Variants in GHITM observed in about 807,000 individuals in gnomAD.
The protein encoded by GHITM is growth hormone inducible transmembrane protein, also known as growth hormone-inducible transmembrane protein.
A neutral mutation model predicts 38.7 loss-of-function variants in GHITM; 24 were observed. The observed-to-expected ratio is 0.62, with a 90% confidence interval of 0.45 to 0.87. The LOEUF (loss-of-function observed/expected upper bound fraction) is 0.87. GHITM is among the 40% of genes least tolerant of loss of function. The pLI is 0.00. For missense variants in GHITM, 420 were observed against 429.8 expected (o/e 0.98, Z 0.20); for synonymous variants, 154 against 147.8 (o/e 1.04, Z -0.30).
chr10:84,148,784 A>G lies in GHITM; in HGVS notation c.538A>G (p.Ile180Val), dbSNP rs762539426. ...TGGAGCTGGAATGCTGGTACGATCA[A>G]TACCATATGACCAGAGCCCAGGCCC... ...MVGAGMLVRS[I>V]PYDQSPGPKH... is the part of the protein sequence containing the mutation. Residue 180 changes from isoleucine to valine, a missense_variant, in exon 6 of 9, where the codon ATA (isoleucine) becomes GTA (valine). Physicochemically the swap from Ile to Val is conservative, Grantham distance 29 (BLOSUM62 3). Transcript: ENST00000372134. 6 of 1,613,544 alleles carry G rather than the reference A, an allele frequency of 3.7e-6. No homozygotes were observed. In the East Asian group the frequency reaches 1.1e-4, roughly 30 times the overall value.
At chr10:84,141,372 ACT>A in intron 1 of GHITM, 88 bp from the exon 2 acceptor site, 1 of 699,558 alleles carries the variant, frequency 1.4e-6, no homozygotes, top group East Asian at 2.6e-5. Flanking sequence ...TTGTTCCTTG[ACT>A]CTGACTCTCA....
chr10:84,141,461 G>A lies in GHITM; in HGVS notation c.-39-1G>A, dbSNP rs1292286333. ...TTGGTTTTGCCTTTTTTTTAAACTA[G>A]CATTTCAGATCTGCTCGGTAGACCT... On this transcript the variant is annotated splice_acceptor_variant, in intron 1 of 8. Transcript: ENST00000372134. LOFTEE classifies it low-confidence loss of function (5UTR_SPLICE). The A allele has an allele frequency of 3.1e-6, 5 of 1,589,868 alleles. No homozygotes were observed. Among genetic ancestry groups the A allele is most frequent in the Non-Finnish European group, 2.6e-6 (3 of 1,165,460 alleles).
intron 6 of GHITM, among the ~76,000 whole-genome samples, chr10:84,149,545 C>CTGTAATTCTTAT (rs71009897): frequency 6.6e-6 from 1 of 151,702 alleles, no homozygotes; most frequent in African/African-American, 2.4e-5. Context: ...AAATTTTTTA[C>CTGTAATTCTTAT]GAAATTGTTT....
rs1841581957 is a variant in GHITM at position 84,148,747 on chromosome 10, T to C, written c.501T>C (p.Phe167=). 4 of 1,611,410 alleles carry C rather than the reference T, an allele frequency of 2.5e-6. No homozygotes were observed. The highest frequency in any genetic ancestry group is 1.7e-6 in the Non-Finnish European group (2 of 1,177,478). ...RGSWVTIGVT[F]AAMVGAGMLV... is the part of the protein sequence containing the mutation. Reference sequence around the variant, plus strand: ...TCTTTCAGACAATTGGTGTGACCTTTGCAGCCATGGTTGGAGCTGGAATGC... The same window carrying C: ...TCTTTCAGACAATTGGTGTGACCTTCGCAGCCATGGTTGGAGCTGGAATGC... The change falls in exon 6 of 9, where the codon TTT becomes TTC. Residue 167 remains phenylalanine, a synonymous_variant. Coordinates refer to ENST00000372134, the MANE Select transcript of GHITM (RefSeq NM_014394.3).
At position 84,152,255 on chromosome 10, in the gene GHITM, C is replaced by T. The variant is rs866817163; in HGVS notation, c.954-9C>T. ...CATCATATATAATGGGCATAATTTT[C>T]TTTTCTAGGATGCTGAGTATCTACA... On this transcript the variant is annotated splice_polypyrimidine_tract_variant and intron_variant, in intron 8 of 8. Coordinates refer to ENST00000372134, the MANE Select transcript of GHITM (RefSeq NM_014394.3). The T allele has an allele frequency of 6.9e-7, 1 of 1,451,284 alleles. No homozygotes were observed. Among genetic ancestry groups the T allele is most frequent in the African/African-American group, 1.4e-5 (1 of 71,312 alleles). 89.9% of individuals were successfully genotyped at this position (1,451,284 alleles called of 1,614,324 possible).
intron 5 of GHITM, among the ~76,000 whole-genome samples, chr10:84,148,306 A>G (rs187247886): frequency 6.6e-6 from 1 of 150,888 alleles, no homozygotes; most frequent in East Asian, 1.9e-4. Flanking sequence ...TTATTTTTTT[A>G]TTTTGAGATG....
chr10:84,139,679 G>C (rs959914872), intron 1 of GHITM, 86 bp downstream of exon 1: 22 of 152,516 alleles, frequency 1.4e-4, no homozygotes, highest in African/African-American at 5.3e-4. Context: ...GCGGGGGGAA[G>C]GGCTGGAAGC....
chr10:84,152,638 G>A lies in GHITM; in HGVS notation c.*290G>A. ...TAAAGTTTGTGTCATGAGAATGTAA[G>A]TCTTTTTTCTACTTTAAAATTTAGT... is the stretch of plus-strand genomic sequence containing the variant. On this transcript the variant is annotated 3_prime_UTR_variant, in exon 9 of 9. Transcript: ENST00000372134. 1 of 274,736 alleles carries A rather than the reference G, an allele frequency of 3.6e-6. No individual in the cohort carries two copies. The highest frequency in any genetic ancestry group is 6.7e-6 in the Non-Finnish European group (1 of 148,758). 17.0% of individuals were successfully genotyped at this position (274,736 alleles called of 1,614,324 possible). A position where few individuals can be genotyped will look rare whatever the true frequency, so the allele number is the denominator to read the frequency against.
intron 5 of GHITM, among the ~76,000 whole-genome samples, chr10:84,146,727 A>G (rs1841559691): frequency 6.6e-6 from 1 of 152,228 alleles, no homozygotes; most frequent in African/African-American, 2.4e-5. Flanking sequence ...GAGGCTTCAA[A>G]GAAGTTTTGT....
Position 84,152,315 on chromosome 10 carries a change from T to C in GHITM, c.1005T>C (p.Thr335=), listed in dbSNP as rs758359052. Residue 335 remains threonine (T), a synonymous_variant, in exon 9 of 9, where the codon ACT becomes ACC. Coordinates refer to ENST00000372134, the MANE Select transcript of GHITM (RefSeq NM_014394.3). ...TAAATATATTTATGCGAGTTGCAACTATGCTGGCAACTGGAGGCAACAGAA... is the reference window on the plus strand; with the variant it reads ...TAAATATATTTATGCGAGTTGCAACCATGCTGGCAACTGGAGGCAACAGAA... ...DTLNIFMRVA[T]MLATGGNRKK 1 of 1,603,602 alleles carries C rather than the reference T, an allele frequency of 6.2e-7. No individual in the cohort carries two copies. The highest frequency in any genetic ancestry group is 8.5e-7 in the Non-Finnish European group (1 of 1,171,684).
chr10:84,151,358 A>C (rs1040382434), intron 8 of GHITM, among the ~76,000 whole-genome samples: 2 of 152,170 alleles, frequency 1.3e-5, no homozygotes, highest in African/African-American at 4.8e-5. Flanking sequence ...TAAACTATCC[A>C]AAAAAACCTC....
At chr10:84,146,963 A>G (rs1841562471) in intron 5 of GHITM, among the ~76,000 whole-genome samples, 2 of 152,234 alleles carry the variant, frequency 1.3e-5, no homozygotes, top group Non-Finnish European at 2.9e-5. Context: ...TTGGGCAGCC[A>G]GGGTACCTAC....
chr10:84,141,699 G>A (rs984719890), intron 2 of GHITM, 70 bp downstream of exon 2: 1 of 1,424,356 alleles, frequency 7.0e-7, no homozygotes, highest in Non-Finnish European at 9.9e-7. Context: ...GGCAGAGTAT[G>A]GCTGCTCTGC....
Position 84,150,717 on chromosome 10 carries a change from T to C in GHITM, c.790T>C (p.Phe264Leu), listed in dbSNP as rs1163793494. The change falls in exon 8 of 9, where the codon TTT (phenylalanine) becomes CTT (leucine). Residue 264 changes from phenylalanine (F) to leucine (L), a missense_variant. Coordinates refer to ENST00000372134, the MANE Select transcript of GHITM (RefSeq NM_014394.3). The stretch of plus-strand genomic sequence containing the variant: ...TCGCATTTTGATTTCAGGATCTATG[T>C]TTCTTCCACCTACCACCGTGGCTGG... The part of the protein sequence containing the change: ...LVFVSSLGSM[F>L]LPPTTVAGAT... 2 of 1,585,760 alleles carry C rather than the reference T, an allele frequency of 1.3e-6. No homozygotes were observed. Among genetic ancestry groups the C allele is most frequent in the Non-Finnish European group, 1.7e-6 (2 of 1,165,226 alleles).
rs762823702 is a variant in GHITM, at chr10:84,150,757, C to T, written c.830C>T (p.Ser277Leu). ...ACCGTGGCTGGTGCCACTCTTTACT[C>T]AGTGGCAATGTACGGTGGATTAGTT... ...PTTVAGATLYSVAMYGGLVLF... is the reference protein window; with the variant it reads ...PTTVAGATLYLVAMYGGLVLF... The change falls in exon 8 of 9, where the codon TCA (serine) becomes TTA (leucine). Residue 277 changes from serine to leucine, a missense_variant. Ser to Leu is a moderately radical substitution (Grantham distance 145). Transcript: ENST00000372134. The T allele has an allele frequency of 1.9e-6, 3 of 1,611,210 alleles. No individual in the cohort carries two copies. The highest frequency in any genetic ancestry group is 3.3e-5 in the Admixed American group (2 of 60,010).
intron 3 of GHITM, 124 bp from the exon 4 acceptor site, chr10:84,143,871 C>A: frequency 1.5e-6 from 1 of 670,112 alleles, no homozygotes. Flanking sequence ...AATTTCTGTA[C>A]CCCATATGCA....
At chr10:84,142,941 C>A (rs530848802) in intron 3 of GHITM, among the ~76,000 whole-genome samples, 187 bp downstream of exon 3, 7 of 152,240 alleles carry the variant, frequency 4.6e-5, no homozygotes, top group African/African-American at 1.7e-4. Context: ...AATCATATTT[C>A]TTCCAGTGGA....
At chr10:84,141,078 T>C (rs11200880) in intron 1 of GHITM, among the ~76,000 whole-genome samples, 39,243 of 152,150 alleles carry the variant, frequency 0.26, 5,938 homozygotes, top group Non-Finnish European at 0.35. Flanking sequence ...CTTTTAAATT[T>C]TCCCACTGGA....
chr10:84,152,514 T>G lies in GHITM; in HGVS notation c.*166T>G. On this transcript the variant is annotated 3_prime_UTR_variant, in exon 9 of 9. Coordinates refer to ENST00000372134, the MANE Select transcript of GHITM (RefSeq NM_014394.3). Reference sequence around the variant, plus strand: ...TGTGATGCCTCAGGTCTGCCTTTTTTTCTGGAGAATAAATGCAGTAATCCT... The same window carrying G: ...TGTGATGCCTCAGGTCTGCCTTTTTGTCTGGAGAATAAATGCAGTAATCCT... The G allele has an allele frequency of 2.3e-6, 1 of 437,806 alleles. No homozygotes were observed. The highest frequency in any genetic ancestry group is 4.1e-6 in the Non-Finnish European group (1 of 246,248). The allele number at this position is 437,806 out of a possible 1,614,324, so 27.1% of individuals were successfully genotyped here.
Sources: allele counts gnomAD v4.1 joint callset (sites outside exome capture counted in the v4.1 genomes callset), GRCh38; gene constraint gnomAD v4.1.1; transcripts MANE v1.5; gene names NCBI Gene and HGNC (gene_info 2026-07-23, HGNC 2026-07-21).